Variants in AAMDC observed in about 807,000 individuals in gnomAD.
AAMDC encodes the protein adipogenesis associated Mth938 domain containing, also known as mth938 domain-containing protein.
Under a neutral mutation model 15.5 loss-of-function variants are expected in AAMDC, and 16 were observed. That is an observed-to-expected ratio of 1.03 (90% CI 0.70 to 1.57). The LOEUF is 1.57. Among genes scored for constraint, AAMDC ranks in the 40% most tolerant of loss-of-function variants. AAMDC has a pLI of 0.00. For missense variants in AAMDC, 141 were observed against 144.9 expected, an observed-to-expected ratio of 0.97 and a Z score of 0.14; for synonymous variants, 51 against 51.6, an observed-to-expected ratio of 0.99 and a Z score of 0.05.
chr11:77,896,289 A>T (rs892784095), intron 5 of AAMDC, among the ~76,000 whole-genome samples: 1 of 152,202 alleles, frequency 6.6e-6, no homozygotes, highest in Non-Finnish European at 1.5e-5. Flanking sequence ...ATGAAATCAA[A>T]CTCAACGGTT....
chr11:77,858,589 G>T (rs1455930605), intron 2 of AAMDC, among the ~76,000 whole-genome samples: 1 of 152,094 alleles, frequency 6.6e-6, no homozygotes, highest in Non-Finnish European at 1.5e-5. Flanking sequence ...GGGATTCTTA[G>T]TCGGCCTAGG....
At chr11:77,859,374 G>C (rs2136238802) in intron 2 of AAMDC, among the ~76,000 whole-genome samples, 1 of 152,200 alleles carries the variant, frequency 6.6e-6, no homozygotes, top group Non-Finnish European at 1.5e-5. Flanking sequence ...TACCTCTTTA[G>C]GTTTCTGTAC....
At chr11:77,838,876 A>G (rs1378139251) in intron 1 of AAMDC, among the ~76,000 whole-genome samples, 1 of 152,030 alleles carries the variant, frequency 6.6e-6, no homozygotes, top group Non-Finnish European at 1.5e-5. Flanking sequence ...TGGGCCTCCC[A>G]AAGTGCTGGG....
intron 2 of AAMDC, chr11:77,850,719 AGTT>A (rs1298203505): frequency 6.6e-6 from 1 of 152,002 alleles, no homozygotes; most frequent in Non-Finnish European, 1.5e-5. Context: ...TAAATCCTCA[AGTT>A]GTTAACATTT....
Position 77,842,614 on chromosome 11 carries a change from G to T in AAMDC, c.118G>T (p.Glu40Ter). 1 of 1,613,868 alleles carries T rather than the reference G, an allele frequency of 6.2e-7. No individual in the cohort carries two copies. Among genetic ancestry groups the T allele is most frequent in the Non-Finnish European group, 8.5e-7 (1 of 1,179,900 alleles). Residue 40 changes from glutamate to a stop codon, truncating the protein, a stop_gained, in exon 2 of 4, where the codon GAA becomes TAA. Transcript: ENST00000393427. LOFTEE classifies it high-confidence loss of function. ...GGGTAGTCGGACTTGGGATTGGAGA[G>T]AAACAGGAACTGAGGTAAGATATTA... ...PGGSRTWDWRETGTEHSPGVQ... is the reference protein window; with the variant it reads ...PGGSRTWDWR
At chr11:77,894,183 C>A (rs1244872776) in intron 5 of AAMDC, 1 of 616,000 alleles carries the variant, frequency 1.6e-6, no homozygotes, top group Non-Finnish European at 2.9e-6. Flanking sequence ...AGCTTGGCTG[C>A]ACAAGCTAAA....
intron 1 of AAMDC, among the ~76,000 whole-genome samples, chr11:77,838,630 T>C (rs1949796471): frequency 6.6e-6 from 1 of 151,498 alleles, no homozygotes; most frequent in African/African-American, 2.4e-5. Flanking sequence ...TTTTTTTTTT[T>C]TTTTGAGACA....
chr11:77,898,063 T>G (rs1487631602), intron 5 of AAMDC, among the ~76,000 whole-genome samples: 5 of 152,104 alleles, frequency 3.3e-5, no homozygotes, highest in Non-Finnish European at 7.4e-5. Context: ...GCGATCCTCC[T>G]GCTTTGGCCT....
rs1213234435 is a variant in AAMDC, at chr11:77,821,263, G to A, written c.-19+22G>A. ...GTGGGTGAGTTTGCGGGGGAATCCT[G>A]AAACTGGGCCACGAGATGGTGGAGA... On this transcript the variant is annotated intron_variant, in intron 1 of 3. Coordinates refer to ENST00000393427, the MANE Select transcript of AAMDC (RefSeq NM_024684.4). The A allele has an allele frequency of 1.3e-5, 3 of 225,392 alleles. No homozygotes were observed. The Admixed American group carries it at 1.7e-4, about 13-fold the overall frequency. 14.0% of individuals were successfully genotyped at this position (225,392 alleles called of 1,614,324 possible).
At chr11:77,873,870 C>T (rs1397008379), downstream of AAMDC, among the ~76,000 whole-genome samples, 1 of 152,120 alleles carries the variant, frequency 6.6e-6, no homozygotes, top group Admixed American at 6.6e-5. Context: ...TTATCACAGC[C>T]ATAACTAAAT....
chr11:77,894,970 AG>A (rs1952448528), intron 5 of AAMDC, among the ~76,000 whole-genome samples: 1 of 152,214 alleles, frequency 6.6e-6, no homozygotes. Flanking sequence ...TGATACTGTA[AG>A]GGCTCCAAGA....
At chr11:77,874,045 G>T (rs1357758306), downstream of AAMDC, among the ~76,000 whole-genome samples, 2 of 152,170 alleles carry the variant, frequency 1.3e-5, no homozygotes, top group South Asian at 4.1e-4. Flanking sequence ...AAGAAAAGCT[G>T]AAACAGTATG....
At chr11:77,878,244 C>T (rs1035973365) in intron 5 of AAMDC, among the ~76,000 whole-genome samples, 3 of 152,112 alleles carry the variant, frequency 2.0e-5, no homozygotes, top group African/African-American at 2.4e-5. Context: ...CGCCTGTAGT[C>T]CCACCTACTC....
intron 2 of AAMDC, among the ~76,000 whole-genome samples, chr11:77,864,364 C>T (rs1049931724): frequency 5.3e-5 from 8 of 151,516 alleles, no homozygotes; most frequent in South Asian, 2.1e-4. Context: ...CGCTTGAACC[C>T]GGGAGTCGGA....
chr11:77,845,060 A>G (rs1950085979), intron 2 of AAMDC, among the ~76,000 whole-genome samples: 1 of 152,106 alleles, frequency 6.6e-6, no homozygotes, highest in Non-Finnish European at 1.5e-5. Flanking sequence ...TTTAACTATG[A>G]TATGTCTAGG....
rs558569660 is a variant in AAMDC, at chr11:77,879,170, C to G, written c.328+2121C>G. On this transcript the variant is annotated intron_variant, in intron 5 of 5. Transcript: ENST00000304716. ...GAAATCCTCTATAACTAGGCAACTG[C>G]TAGGAATGAGGATGAAATGTGAAGT... 61 of 1,603,238 alleles carry G rather than the reference C, an allele frequency of 3.8e-5. No individual in the cohort carries two copies. The South Asian group carries it at 6.4e-4, about 17-fold the overall frequency.
rs1454166617 is a variant in AAMDC, at chr11:77,872,181, T to C, written c.235T>C (p.Ser79Pro). 6.2e-7 allele frequency: 1 copy of C among 1,612,810 alleles called. No homozygotes were observed. Among genetic ancestry groups the C allele is most frequent in the Non-Finnish European group, 8.5e-7 (1 of 1,179,510 alleles). The change falls in exon 4 of 4, where the codon TCA becomes CCA. Residue 79 changes from serine (S) to proline (P), a missense_variant. By Grantham distance (74) the Ser-to-Pro change is moderately conservative. Coordinates refer to ENST00000393427, the MANE Select transcript of AAMDC (RefSeq NM_024684.4). ...RGMSEALKVP[S>P]STVEYLKKHG... ...CTCTTTTCCACCTTCCCAGGTGCCTTCATCAACTGTGGAGTACCTCAAGAA... is the reference window on the plus strand; with the variant it reads ...CTCTTTTCCACCTTCCCAGGTGCCTCCATCAACTGTGGAGTACCTCAAGAA...
chr11:77,853,306 G>A (rs942117270), intron 2 of AAMDC, among the ~76,000 whole-genome samples: 7 of 152,270 alleles, frequency 4.6e-5, no homozygotes, highest in Non-Finnish European at 4.4e-5. Flanking sequence ...ATTGGCTCAG[G>A]TTTCCATAGG....
chr11:77,841,701 G>T (rs1056878635), intron 1 of AAMDC, among the ~76,000 whole-genome samples: 1 of 152,134 alleles, frequency 6.6e-6, no homozygotes, highest in African/African-American at 2.4e-5. Flanking sequence ...GCAGCCTCTG[G>T]TCCACTTGGG....
Sources: allele counts gnomAD v4.1 joint callset (sites outside exome capture counted in the v4.1 genomes callset), GRCh38; gene constraint gnomAD v4.1.1; transcripts MANE v1.5; gene names NCBI Gene and HGNC (gene_info 2026-07-23, HGNC 2026-07-21).